The following VWA8 variants were observed in gnomAD, a reference collection of about 807,000 sequenced individuals.
VWA8 encodes von Willebrand factor A domain-containing protein 8.
Under a neutral mutation model 241.5 loss-of-function variants are expected in VWA8, and 221 were observed. The observed-to-expected ratio is 0.91, with a 90% CI of 0.82 to 1.02. VWA8 has a LOEUF of 1.02. VWA8 is among the 50% of genes least tolerant of loss of function. The probability of loss-of-function intolerance (pLI) is 0.00; values close to 1 mark genes in which losing one functional copy is unlikely to be tolerated. For synonymous variants in VWA8, 852 were observed against 827.1 expected (o/e 1.03, Z -0.52); for missense variants, 2,322 against 2,328.7 (o/e 1.00, Z 0.06).
At chr13:41,657,440 A>G (rs1399135265) in intron 37 of VWA8, among the ~76,000 whole-genome samples, 1 of 152,126 alleles carries the variant, frequency 6.6e-6, no homozygotes, top group Non-Finnish European at 1.5e-5. Context: ...GGAATCACAT[A>G]AATAATAAGT....
chr13:41,711,733 G>T (rs2045319074), intron 26 of VWA8, among the ~76,000 whole-genome samples: 1 of 152,066 alleles, frequency 6.6e-6, no homozygotes, highest in Admixed American at 6.6e-5. Context: ...AATTAGCGGG[G>T]CGTGGTGGCG....
chr13:41,756,545 A>C (rs1321715665), intron 21 of VWA8, among the ~76,000 whole-genome samples: 2 of 151,726 alleles, frequency 1.3e-5, no homozygotes, highest in East Asian at 3.9e-4. Flanking sequence ...GCCATCCTTA[A>C]GGAAAAAATT....
chr13:41,779,716 A>G (rs571973457), intron 19 of VWA8, among the ~76,000 whole-genome samples: 1 of 152,222 alleles, frequency 6.6e-6, no homozygotes, highest in African/African-American at 2.4e-5. Context: ...AAGCTCTTCC[A>G]GTAATAAATG....
chr13:41,814,378 AAG>A (rs1870598929), intron 16 of VWA8, among the ~76,000 whole-genome samples: 1 of 152,204 alleles, frequency 6.6e-6, no homozygotes, highest in Non-Finnish European at 1.5e-5. Context: ...GACTTAAGAG[AAG>A]AGAGAAACTA....
intron 42 of VWA8, among the ~76,000 whole-genome samples, chr13:41,576,500 C>G (rs958977960): frequency 6.6e-6 from 1 of 152,094 alleles, no homozygotes; most frequent in African/African-American, 2.4e-5. Flanking sequence ...TGGAAAGAAA[C>G]AGAAAAAATT....
intron 43 of VWA8, among the ~76,000 whole-genome samples, chr13:41,573,078 C>T (rs9566794): frequency 0.026 from 3,532 of 136,502 alleles, 100 homozygotes; most frequent in East Asian, 0.11. Context: ...CACTGCACTC[C>T]AGCCTGGGCG....
At chr13:41,918,639 T>C (rs1230058707) in intron 2 of VWA8, among the ~76,000 whole-genome samples, 1 of 152,162 alleles carries the variant, frequency 6.6e-6, no homozygotes, top group Non-Finnish European at 1.5e-5. Context: ...AAAAAGTTAT[T>C]TTTTTAAAGT....
At chr13:41,874,607 GTTAT>G (rs992265887) in intron 9 of VWA8, among the ~76,000 whole-genome samples, 3 of 152,068 alleles carry the variant, frequency 2.0e-5, no homozygotes, top group African/African-American at 7.2e-5. Flanking sequence ...TTAGAATTAG[GTTAT>G]TTAAACTGTG....
intron 4 of VWA8, among the ~76,000 whole-genome samples, chr13:41,903,107 C>T (rs1339032455): frequency 1.3e-5 from 2 of 152,098 alleles, no homozygotes; most frequent in Non-Finnish European, 2.9e-5. Context: ...AAAGGCCTTT[C>T]GGTGTAACAA....
intron 14 of VWA8, among the ~76,000 whole-genome samples, chr13:41,823,527 G>C (rs1871051188): frequency 6.6e-6 from 1 of 151,990 alleles, no homozygotes; most frequent in Non-Finnish European, 1.5e-5. Flanking sequence ...GACATATTTA[G>C]CATCCTATAG....
chr13:41,716,996 G>C (rs1418199164), intron 26 of VWA8, among the ~76,000 whole-genome samples: 1 of 151,688 alleles, frequency 6.6e-6, no homozygotes, highest in South Asian at 2.1e-4. Flanking sequence ...GGGGTGGAAA[G>C]GGGGAATGAA....
chr13:41,866,375 A>G (rs34599125), intron 10 of VWA8, among the ~76,000 whole-genome samples: 37,788 of 145,416 alleles, frequency 0.26, 5,466 homozygotes, highest in Non-Finnish European at 0.32. Flanking sequence ...ATATATATAT[A>G]TGTGTGTGTG....
chr13:41,912,061 G>GTCGA lies in VWA8; in HGVS notation c.345_348dup (p.Arg117SerfsTer27), dbSNP rs1566036963. On this transcript the variant is annotated frameshift_variant, in exon 3 of 45. Transcript: ENST00000379310. LOFTEE classifies it high-confidence loss of function. ...ACCAAGTACTGCATAGCAATAGAGC[G>GTCGA]TCGAAGAGGCCCAGGAGGTCCTATT... 2 of 1,598,300 alleles carry GTCGA rather than the reference G, an allele frequency of 1.3e-6. No individual in the cohort carries two copies. Among genetic ancestry groups the GTCGA allele is most frequent in the South Asian group, 2.3e-5 (2 of 87,982 alleles).
intron 37 of VWA8, among the ~76,000 whole-genome samples, chr13:41,638,869 G>A (rs993498602): frequency 1.3e-5 from 2 of 152,166 alleles, no homozygotes; most frequent in Non-Finnish European, 2.9e-5. Context: ...ATAAGTGAGA[G>A]AGAGAGAATG....
At chr13:41,705,362 T>G (rs970396000) in intron 26 of VWA8, among the ~76,000 whole-genome samples, 4 of 152,180 alleles carry the variant, frequency 2.6e-5, no homozygotes, top group African/African-American at 9.7e-5. Context: ...CTCTTTTGAA[T>G]GTAATAAAAA....
At chr13:41,901,889 A>AATATATATAT (rs869081141) in intron 4 of VWA8, among the ~76,000 whole-genome samples, 7 of 83,340 alleles carry the variant, frequency 8.4e-5, no homozygotes, top group Admixed American at 1.7e-4. Context: ...AAAAAAAAAA[A>AATATATATAT]ATATATATAT....
At chr13:41,800,609 A>G (rs927388441) in intron 17 of VWA8, among the ~76,000 whole-genome samples, 39 of 144,000 alleles carry the variant, frequency 2.7e-4, no homozygotes, top group Admixed American at 1.8e-3. Flanking sequence ...TAACACAGTG[A>G]AACACCGTCT....
chr13:41,634,210 T>G (rs747746637), intron 37 of VWA8, among the ~76,000 whole-genome samples: 29 of 152,132 alleles, frequency 1.9e-4, no homozygotes, highest in Non-Finnish European at 3.8e-4. Context: ...CTAGGGTGAG[T>G]AGGGTGGCAC....
intron 26 of VWA8, 100 bp from the exon 27 acceptor site, chr13:41,703,511 G>C: frequency 1.0e-6 from 1 of 978,308 alleles, no homozygotes; most frequent in Non-Finnish European, 1.6e-6. Context: ...TAAATTTGAA[G>C]AGTGCTTTAC....
Sources: gnomAD v4.1 joint callset for allele counts (sites outside exome capture counted in the v4.1 genomes callset) on GRCh38, gnomAD v4.1.1 for gene constraint, MANE v1.5 for transcripts, NCBI Gene and HGNC (gene_info 2026-07-23, HGNC 2026-07-21) for gene names.